ZNF385D: variants seen among roughly 807,000 people sequenced by gnomAD.
The protein encoded by ZNF385D is zinc finger protein 385D.
ZNF385D carries 15 observed loss-of-function variants against 35.8 expected under a neutral mutation model. The observed-to-expected ratio is 0.42, with a 90% CI of 0.28 to 0.64. ZNF385D has a LOEUF of 0.64. ZNF385D is among the 30% of genes least tolerant of loss of function. ZNF385D has a pLI of 0.23. For synonymous variants in ZNF385D, 212 were observed against 186.8 expected (o/e 1.13, Z -1.10); for missense variants, 474 against 494.6 (o/e 0.96, Z 0.39).
chr3:21,426,051 T>C (rs1364897469), intron 5 of ZNF385D, among the ~76,000 whole-genome samples: 1 of 152,142 alleles, frequency 6.6e-6, no homozygotes, highest in Non-Finnish European at 1.5e-5. Context: ...TGATACCTGA[T>C]GAGGAAGAGT....
At chr3:22,300,267 G>A (rs1020634282) in intron 2 of ZNF385D, among the ~76,000 whole-genome samples, 13 of 151,722 alleles carry the variant, frequency 8.6e-5, no homozygotes, top group African/African-American at 2.9e-4. Flanking sequence ...GAATGAAATT[G>A]GGCCATATAT....
At chr3:21,850,164 A>AC (rs1286730422) in intron 3 of ZNF385D, among the ~76,000 whole-genome samples, 19 of 22,972 alleles carry the variant, frequency 8.3e-4, no homozygotes, top group African/African-American at 7.2e-3. Context: ...GATAATAGAT[A>AC]TAAAAATGTA....
intron 3 of ZNF385D, among the ~76,000 whole-genome samples, chr3:21,826,334 G>T (rs1333512441): frequency 6.6e-6 from 1 of 152,152 alleles, no homozygotes; most frequent in African/African-American, 2.4e-5. Flanking sequence ...AACTTGGGCT[G>T]CATAGAATAT....
chr3:22,345,852 C>T (rs1452474776), intron 2 of ZNF385D, among the ~76,000 whole-genome samples: 1 of 152,192 alleles, frequency 6.6e-6, no homozygotes, highest in Non-Finnish European at 1.5e-5. Context: ...GACTGGTCAA[C>T]ATGAAGGTAT....
chr3:21,673,258 A>C (rs1036237307), intron 1 of ZNF385D, among the ~76,000 whole-genome samples: 2 of 152,288 alleles, frequency 1.3e-5, no homozygotes, highest in East Asian at 3.9e-4. Context: ...GTACAATAAA[A>C]AAAATTCAGT....
rs930889638 is a variant in ZNF385D, at chr3:22,275,002, A to C, written c.106+97448T>G. Among the ~76,000 whole-genome samples, 6 of 152,090 alleles carry C rather than the reference A, an allele frequency of 3.9e-5. No homozygotes were observed. In the South Asian group the frequency reaches 6.2e-4, roughly 16 times the overall value. ...TATATACCACAGATCAATTGATTAG[A>C]GAATAAGACAAACCCTGTGGATAGC... On this transcript the variant is annotated intron_variant, in intron 2 of 5. Coordinates refer to the ZNF385D transcript ENST00000494108.
chr3:21,413,811 AT>A lies in ZNF385D; in HGVS notation c.*7402del, dbSNP rs1459786410. 1 of 152,124 alleles carries A rather than the reference AT, an allele frequency of 6.6e-6. No homozygotes were observed. Among genetic ancestry groups the A allele is most frequent in the African/African-American group, 2.4e-5 (1 of 41,434 alleles). 9.4% of individuals were successfully genotyped at this position (152,124 alleles called of 1,614,324 possible). On this transcript the variant is annotated 3_prime_UTR_variant, in exon 8 of 8. Transcript: ENST00000281523. ...GGTTGTCAAAAGAACACTGCCTTCA[AT>A]TTATAGTCACTAAATGCATGTGGAT...
At chr3:22,302,364 A>G (rs968986764) in intron 2 of ZNF385D, among the ~76,000 whole-genome samples, 3 of 151,514 alleles carry the variant, frequency 2.0e-5, no homozygotes, top group South Asian at 2.1e-4. Flanking sequence ...TTTTCTATCA[A>G]TGAATAGTAA....
chr3:21,495,737 T>A (rs1423157874), intron 4 of ZNF385D, among the ~76,000 whole-genome samples: 1 of 151,720 alleles, frequency 6.6e-6, no homozygotes, highest in African/African-American at 2.4e-5. Context: ...TAAAAAAACA[T>A]ACAAAAGATC....
intron 2 of ZNF385D, among the ~76,000 whole-genome samples, chr3:22,231,844 T>C (rs1698910577): frequency 6.6e-6 from 1 of 152,070 alleles, no homozygotes; most frequent in African/African-American, 2.4e-5. Flanking sequence ...TTGAATGGTT[T>C]AGCATCATTC....
At chr3:21,907,408 C>T (rs554147494) in intron 3 of ZNF385D, among the ~76,000 whole-genome samples, 9 of 152,086 alleles carry the variant, frequency 5.9e-5, no homozygotes, top group East Asian at 1.9e-4. Flanking sequence ...ATAATAAAAT[C>T]CATTTTCATA....
intron 2 of ZNF385D, among the ~76,000 whole-genome samples, chr3:22,233,986 C>T (rs2125302444): frequency 6.6e-6 from 1 of 152,042 alleles, no homozygotes; most frequent in East Asian, 1.9e-4. Flanking sequence ...AGTTCTACCT[C>T]AAAGTTCAAA....
chr3:21,515,414 G>A (rs1375153329), intron 3 of ZNF385D, among the ~76,000 whole-genome samples: 1 of 152,028 alleles, frequency 6.6e-6, no homozygotes, highest in Non-Finnish European at 1.5e-5. Context: ...TAATTTTCAT[G>A]AACACAAATA....
chr3:21,888,858 T>C (rs1308400361), intron 3 of ZNF385D, among the ~76,000 whole-genome samples: 2 of 152,244 alleles, frequency 1.3e-5, no homozygotes, highest in Admixed American at 1.3e-4. Context: ...GCCAAGTCTG[T>C]GGCTCCTGTC....
chr3:22,310,028 A>G (rs146244153), intron 2 of ZNF385D, among the ~76,000 whole-genome samples: 5 of 152,028 alleles, frequency 3.3e-5, no homozygotes. Flanking sequence ...AGTTATTTAC[A>G]TTGGGATGAG....
rs111494581 is a variant in ZNF385D at position 22,077,551 on chromosome 3, G to C, written c.325+91266C>G. Among the ~76,000 whole-genome samples the C allele has an allele frequency of 9.9e-5, 15 of 152,066 alleles. 1 individual carries two copies. Among genetic ancestry groups the C allele is most frequent in the African/African-American group, 3.6e-4 (15 of 41,548 alleles). On this transcript the variant is annotated intron_variant, in intron 3 of 5. Transcript: ENST00000494108. ...TTTTGTCTTAGCAAAGGCCCACTAAGGGTGAGGTTCTGTATCTAAATGCAA... is the reference window on the plus strand; with the variant it reads ...TTTTGTCTTAGCAAAGGCCCACTAACGGTGAGGTTCTGTATCTAAATGCAA...
At chr3:22,193,856 T>C (rs1314757411) in intron 2 of ZNF385D, among the ~76,000 whole-genome samples, 2 of 152,042 alleles carry the variant, frequency 1.3e-5, no homozygotes, top group African/African-American at 2.4e-5. Flanking sequence ...TATTTTTAAA[T>C]GGCTTTCAAA....
chr3:22,249,091 G>T (rs1417556337), intron 2 of ZNF385D, among the ~76,000 whole-genome samples: 2 of 152,106 alleles, frequency 1.3e-5, no homozygotes, highest in African/African-American at 4.8e-5. Context: ...CCCACTTCCA[G>T]CCATTCAAGT....
intron 3 of ZNF385D, among the ~76,000 whole-genome samples, chr3:21,915,754 A>G (rs551684875): frequency 6.6e-6 from 1 of 152,174 alleles, no homozygotes; most frequent in Non-Finnish European, 1.5e-5. Flanking sequence ...GAAATCAAGG[A>G]CTTATTTAGA....
Sources: allele counts gnomAD v4.1 joint callset (sites outside exome capture counted in the v4.1 genomes callset), GRCh38; gene constraint gnomAD v4.1.1; transcripts MANE v1.5; gene names NCBI Gene and HGNC (gene_info 2026-07-23, HGNC 2026-07-21).